Variants in RBPMS observed in about 807,000 individuals in gnomAD.
RBPMS encodes the protein RNA-binding protein with multiple splicing.
Under a neutral mutation model 26.8 loss-of-function variants are expected in RBPMS, and 7 were observed. That is an observed-to-expected ratio of 0.26 (90% CI 0.15 to 0.49). RBPMS has a LOEUF of 0.49. Ranked by LOEUF, RBPMS falls within the 20% of genes least tolerant of loss-of-function variation. The pLI is 0.98. For missense variants in RBPMS, 186 were observed against 250.0 expected (o/e 0.74, Z 1.73); for synonymous variants, 96 against 93.3 (o/e 1.03, Z -0.17).
At chr8:30,510,066 T>C in intron 5 of RBPMS, among the ~76,000 whole-genome samples, 1 of 152,232 alleles carries the variant, frequency 6.6e-6, no homozygotes, top group East Asian at 1.9e-4. Context: ...CAAGTGAGAC[T>C]AAGTGGCTCA....
intron 5 of RBPMS, among the ~76,000 whole-genome samples, chr8:30,526,459 T>C (rs1427308442): frequency 2.0e-5 from 3 of 152,212 alleles, no homozygotes; most frequent in African/African-American, 4.8e-5. Context: ...ACTACATTTA[T>C]GTAGGACCAT....
intron 1 of RBPMS, among the ~76,000 whole-genome samples, chr8:30,441,433 AAAAGT>A (rs1813064033): frequency 6.6e-6 from 1 of 152,216 alleles, no homozygotes; most frequent in African/African-American, 2.4e-5. Flanking sequence ...ACTATTAGAA[AAAAGT>A]AAAGTTCAGT....
chr8:30,483,845 A>G (rs2150861427), intron 4 of RBPMS, among the ~76,000 whole-genome samples: 1 of 152,044 alleles, frequency 6.6e-6, no homozygotes, highest in South Asian at 2.1e-4. Context: ...ATAATGAAAT[A>G]TTTGTCTTTT....
intron 1 of RBPMS, among the ~76,000 whole-genome samples, chr8:30,440,202 T>A (rs1328237959): frequency 6.6e-6 from 1 of 152,214 alleles, no homozygotes; most frequent in Non-Finnish European, 1.5e-5. Context: ...GTGCTAGGAT[T>A]ACGGGTGTGA....
At chr8:30,547,508 A>C in intron 6 of RBPMS, 1 of 1,532,724 alleles carries the variant, frequency 6.5e-7, no homozygotes, top group South Asian at 1.3e-5. Context: ...TTTTAATCAG[A>C]GCAAAAATGA....
At chr8:30,477,630 T>A (rs1817839491) in intron 2 of RBPMS, among the ~76,000 whole-genome samples, 169 bp from the exon 3 acceptor site, 1 of 151,128 alleles carries the variant, frequency 6.6e-6, no homozygotes, top group Non-Finnish European at 1.5e-5. Context: ...CAAACAGGTG[T>A]GTGTGTGTGT....
chr8:30,536,456 G>GCA (rs1173540481), intron 5 of RBPMS, among the ~76,000 whole-genome samples: 6 of 152,078 alleles, frequency 3.9e-5, no homozygotes, highest in African/African-American at 1.4e-4. Context: ...ACTAGATAGA[G>GCA]ATGTACCCAA....
At chr8:30,457,651 G>A (rs1354609535) in intron 1 of RBPMS, among the ~76,000 whole-genome samples, 3 of 145,488 alleles carry the variant, frequency 2.1e-5, no homozygotes, top group Non-Finnish European at 1.5e-5. Flanking sequence ...GGAGTGCAGT[G>A]GTGCGATGGC....
chr8:30,511,488 TATATATATATATATA>T (rs1821664345), intron 5 of RBPMS, among the ~76,000 whole-genome samples: 1 of 1,374 alleles, frequency 7.3e-4, no homozygotes, highest in Non-Finnish European at 1.5e-3. Context: ...AAAAAAAAAA[TATATATATATATATA>T]TATATATATA....
intron 5 of RBPMS, among the ~76,000 whole-genome samples, chr8:30,522,334 A>T (rs1823142857): frequency 7.2e-6 from 1 of 139,514 alleles, no homozygotes; most frequent in African/African-American, 3.3e-5. Flanking sequence ...AAACAACAAC[A>T]ACAACAACAA....
At chr8:30,511,480 AAAAAAAAT>A (rs1455776152) in intron 5 of RBPMS, among the ~76,000 whole-genome samples, 56 of 16,498 alleles carry the variant, frequency 3.4e-3, no homozygotes, top group South Asian at 6.3e-3. Context: ...AGAAAAAAAA[AAAAAAAAT>A]ATATATATAT....
At chr8:30,486,371 A>T (rs1220819637) in intron 4 of RBPMS, among the ~76,000 whole-genome samples, 6 of 98,694 alleles carry the variant, frequency 6.1e-5, no homozygotes, top group Admixed American at 3.8e-4. Flanking sequence ...ACATAAAAAA[A>T]AAACAAAAAA....
At chr8:30,494,969 T>C (rs540599337) in intron 4 of RBPMS, among the ~76,000 whole-genome samples, 35 of 152,370 alleles carry the variant, frequency 2.3e-4, no homozygotes, top group Admixed American at 9.8e-4. Context: ...GGAATAAAAG[T>C]GAAGCCAAAT....
At chr8:30,417,621 A>C (rs954003) in intron 1 of RBPMS, among the ~76,000 whole-genome samples, 1 of 152,252 alleles carries the variant, frequency 6.6e-6, no homozygotes, top group African/African-American at 2.4e-5. Context: ...TTTGCTGTCC[A>C]GAAGTGTGAC....
intron 1 of RBPMS, among the ~76,000 whole-genome samples, chr8:30,408,148 T>C (rs1808863676): frequency 6.6e-6 from 1 of 152,330 alleles, no homozygotes; most frequent in African/African-American, 2.4e-5. Flanking sequence ...ATCCTGCCTG[T>C]CTAGACCCTT....
At chr8:30,410,346 C>T (rs555177590) in intron 1 of RBPMS, among the ~76,000 whole-genome samples, 1 of 152,176 alleles carries the variant, frequency 6.6e-6, no homozygotes. Context: ...GTAGCTGGGA[C>T]TACAGGCACG....
At chr8:30,425,875 A>G (rs1045046393) in intron 1 of RBPMS, among the ~76,000 whole-genome samples, 2 of 152,166 alleles carry the variant, frequency 1.3e-5, no homozygotes, top group Non-Finnish European at 2.9e-5. Context: ...AAAAAACAGC[A>G]GAGAGGGAAA....
At chr8:30,444,340 A>G (rs1813481619) in intron 1 of RBPMS, among the ~76,000 whole-genome samples, 1 of 152,256 alleles carries the variant, frequency 6.6e-6, no homozygotes, top group Non-Finnish European at 1.5e-5. Context: ...AATTAAAGCT[A>G]TAAATAGTTT....
rs991707594 is a variant in RBPMS at position 30,420,023 on chromosome 8, G to A, written c.66+34865G>A. Among the ~76,000 whole-genome samples the A allele has an allele frequency of 2.6e-5, 4 of 151,994 alleles. No individual in the cohort carries two copies. The East Asian group carries it at 7.8e-4, about 29-fold the overall frequency. ...ATGGATTGCTTGAGCCCAGGAGCTC[G>A]AGACCAGCCTGGGCAACATGGCAAG... On this transcript the variant is annotated intron_variant, in intron 1 of 8. Coordinates refer to ENST00000397323, the MANE Select transcript of RBPMS (RefSeq NM_001008710.3).
Sources: allele counts gnomAD v4.1 joint callset (sites outside exome capture counted in the v4.1 genomes callset), GRCh38; gene constraint gnomAD v4.1.1; transcripts MANE v1.5; gene names NCBI Gene and HGNC (gene_info 2026-07-23, HGNC 2026-07-21).